CTDSPL2: variants seen among roughly 807,000 people sequenced by gnomAD.
The protein encoded by CTDSPL2 is CTD small phosphatase like 2.
Under a neutral mutation model 60.0 loss-of-function variants are expected in CTDSPL2, and 5 were observed. The ratio of observed to expected loss-of-function variants is 0.08; its 90% CI spans 0.04 to 0.18. The LOEUF (loss-of-function observed/expected upper bound fraction) is 0.18, where lower values mean the gene tolerates loss of function less well. CTDSPL2 is among the 10% of genes least tolerant of loss of function. The probability of loss-of-function intolerance (pLI) is 1.00; values close to 1 mark genes in which losing one functional copy is unlikely to be tolerated. For missense variants in CTDSPL2, 370 were observed against 548.8 expected (o/e 0.67, Z 3.26); for synonymous variants, 186 against 189.3 (o/e 0.98, Z 0.14).
chr15:44,490,891 A>G lies in CTDSPL2; in HGVS notation c.583A>G (p.Thr195Ala). Residue 195 changes from threonine to alanine, a missense_variant, in exon 5 of 13, where the codon ACT (threonine) becomes GCT (alanine). By Grantham distance (58) the Thr-to-Ala change is moderately conservative. Coordinates refer to ENST00000260327, the MANE Select transcript of CTDSPL2 (RefSeq NM_016396.3). The stretch of plus-strand genomic sequence containing the variant: ...GATCACTACCAGTACTACTACATCA[A>G]CTAATGGAGCAGCTTACTCAAATCA... ...DEITTSTTTS[T>A]NGAAYSNQAV... is the part of the protein sequence containing the mutation. The G allele has an allele frequency of 6.2e-7, 1 of 1,614,078 alleles. No homozygotes were observed. Among genetic ancestry groups the G allele is most frequent in the Non-Finnish European group, 8.5e-7 (1 of 1,179,964 alleles).
At chr15:44,443,035 G>C (rs1416823438) in intron 1 of CTDSPL2, among the ~76,000 whole-genome samples, 1 of 151,916 alleles carries the variant, frequency 6.6e-6, no homozygotes, top group Non-Finnish European at 1.5e-5. Context: ...TACTCTTTTG[G>C]AAACCTTTGG....
intron 11 of CTDSPL2, 78 bp downstream of exon 11, chr15:44,519,373 G>C: frequency 8.6e-7 from 1 of 1,165,840 alleles, no homozygotes; most frequent in Non-Finnish European, 1.2e-6. Flanking sequence ...GAATATGATG[G>C]GAGAAGAAGA....
intron 1 of CTDSPL2, among the ~76,000 whole-genome samples, chr15:44,432,695 G>A (rs2079884743): frequency 6.6e-6 from 1 of 151,844 alleles, no homozygotes; most frequent in Non-Finnish European, 1.5e-5. Flanking sequence ...TCTCAGCTCA[G>A]TGCAACCTCT....
intron 8 of CTDSPL2, among the ~76,000 whole-genome samples, chr15:44,512,087 T>A (rs1305348302): frequency 6.6e-6 from 1 of 151,586 alleles, no homozygotes; most frequent in African/African-American, 2.4e-5. Flanking sequence ...ATCCCAGCTA[T>A]GTGGAAGGCT....
chr15:44,476,071 A>AT (rs199792210), intron 2 of CTDSPL2, among the ~76,000 whole-genome samples: 8,679 of 151,274 alleles, frequency 0.057, 406 homozygotes, highest in East Asian at 0.23. Flanking sequence ...AAAAAGTTAC[A>AT]TTTTTTTTTA....
At chr15:44,483,349 G>A (rs942696981) in intron 2 of CTDSPL2, among the ~76,000 whole-genome samples, 2 of 150,112 alleles carry the variant, frequency 1.3e-5, no homozygotes, top group African/African-American at 4.9e-5. Context: ...AGTGGCTTAC[G>A]CCTGTAATTC....
chr15:44,464,015 T>C (rs2080631580), intron 2 of CTDSPL2, among the ~76,000 whole-genome samples: 1 of 151,416 alleles, frequency 6.6e-6, no homozygotes, highest in Non-Finnish European at 1.5e-5. Context: ...CAGCTTTTAC[T>C]TTTTTTCTTT....
chr15:44,478,645 C>T (rs560010788), intron 2 of CTDSPL2, among the ~76,000 whole-genome samples: 8 of 152,000 alleles, frequency 5.3e-5, no homozygotes, highest in African/African-American at 1.7e-4. Context: ...TTCTGTCAAA[C>T]GTTTGATAAT....
chr15:44,448,062 G>T, intron 1 of CTDSPL2: 1 of 242,918 alleles, frequency 4.1e-6, no homozygotes, highest in South Asian at 4.9e-5. Flanking sequence ...TGTGCTCCAG[G>T]CCAGTGGCCA....
chr15:44,490,935 A>G lies in CTDSPL2; in HGVS notation c.627A>G (p.Pro209=). 6.2e-7 allele frequency: 1 copy of G among 1,614,172 alleles called. No homozygotes were observed. The highest frequency in any genetic ancestry group is 1.3e-5 in the African/African-American group (1 of 75,068). Residue 209 remains proline, a synonymous_variant, in exon 5 of 13, where the codon CCA becomes CCG. Transcript: ENST00000260327. ...CAAATCAAGCAGTTCAAGTGAGACCATCACTAAACAATGGTTTAGAAGAAG... is the reference window on the plus strand; with the variant it reads ...CAAATCAAGCAGTTCAAGTGAGACCGTCACTAAACAATGGTTTAGAAGAAG... ...AYSNQAVQVR[P]SLNNGLEEAE... is the part of the protein sequence containing the mutation.
At chr15:44,508,766 C>T (rs1339235900) in intron 8 of CTDSPL2, among the ~76,000 whole-genome samples, 1 of 151,978 alleles carries the variant, frequency 6.6e-6, no homozygotes, top group Admixed American at 6.6e-5. Flanking sequence ...ACTAAAAATA[C>T]AAAAAACTTA....
chr15:44,493,710 G>A (rs1358759007), intron 5 of CTDSPL2, among the ~76,000 whole-genome samples: 1 of 152,136 alleles, frequency 6.6e-6, no homozygotes, highest in Admixed American at 6.6e-5. Flanking sequence ...TGAGGTGGGA[G>A]GATTGCTTGA....
chr15:44,464,395 A>C (rs1257082092), intron 2 of CTDSPL2, among the ~76,000 whole-genome samples: 2 of 152,226 alleles, frequency 1.3e-5, no homozygotes, highest in Non-Finnish European at 2.9e-5. Context: ...TCCAGAGCCT[A>C]CACTCCTAAC....
At chr15:44,510,731 C>T (rs1295355287) in intron 8 of CTDSPL2, among the ~76,000 whole-genome samples, 2 of 152,226 alleles carry the variant, frequency 1.3e-5, no homozygotes, top group Non-Finnish European at 2.9e-5. Flanking sequence ...AAAAATGGAG[C>T]TAATGCTATT....
At chr15:44,459,251 G>C (rs998749780) in intron 2 of CTDSPL2, 51 bp downstream of exon 2, 2 of 1,389,404 alleles carry the variant, frequency 1.4e-6, no homozygotes, top group Non-Finnish European at 2.0e-6. Flanking sequence ...AAATTGGCCG[G>C]GCACGGTGGC....
At chr15:44,429,664 G>A (rs751245607) in intron 1 of CTDSPL2, among the ~76,000 whole-genome samples, 5 of 152,078 alleles carry the variant, frequency 3.3e-5, no homozygotes, top group Non-Finnish European at 7.4e-5. Context: ...TCAGGAGTTC[G>A]AGAACAGCCT....
chr15:44,491,805 A>T (rs1405010086), intron 5 of CTDSPL2, among the ~76,000 whole-genome samples: 2 of 152,150 alleles, frequency 1.3e-5, no homozygotes. Context: ...CCAGCACTTC[A>T]GGAGGCCAAG....
intron 4 of CTDSPL2, 140 bp from the exon 5 acceptor site, chr15:44,490,643 AT>A (rs1430808685): frequency 3.1e-6 from 2 of 645,528 alleles, no homozygotes; most frequent in African/African-American, 3.7e-5. Context: ...GCTAGCAAAG[AT>A]TCTCTAAAAG....
At chr15:44,506,915 T>C (rs1012991068) in intron 8 of CTDSPL2, among the ~76,000 whole-genome samples, 12 of 151,248 alleles carry the variant, frequency 7.9e-5, no homozygotes, top group Admixed American at 2.6e-4. Context: ...TACAGGCGCC[T>C]GCCACTACAC....
Sources: allele counts gnomAD v4.1 joint callset (sites outside exome capture counted in the v4.1 genomes callset), GRCh38; gene constraint gnomAD v4.1.1; transcripts MANE v1.5; gene names NCBI Gene and HGNC (gene_info 2026-07-23, HGNC 2026-07-21).